DYNC1I1: variants seen among roughly 807,000 people sequenced by gnomAD.
The protein encoded by DYNC1I1 is cytoplasmic dynein 1 intermediate chain 1.
In DYNC1I1, 43 loss-of-function variants were observed where a neutral mutation model predicts 86.6. The ratio of observed to expected loss-of-function variants is 0.50; its 90% CI spans 0.39 to 0.64. The LOEUF (loss-of-function observed/expected upper bound fraction) is 0.64, where lower values mean the gene tolerates loss of function less well. Among genes scored for constraint, DYNC1I1 ranks in the 30% least tolerant of loss-of-function variants. DYNC1I1 has a pLI of 0.00. For synonymous variants in DYNC1I1, 262 were observed against 283.7 expected (o/e 0.92, Z 0.77); for missense variants, 604 against 788.8 (o/e 0.77, Z 2.81).
intron 6 of DYNC1I1, among the ~76,000 whole-genome samples, chr7:95,883,257 G>GT (rs1790502723): frequency 6.6e-6 from 1 of 152,184 alleles, no homozygotes; most frequent in South Asian, 2.1e-4. Context: ...GTGTCCCTGT[G>GT]TGAGAAATTG....
chr7:96,039,440 A>G lies in DYNC1I1; in HGVS notation c.1509+19A>G. The G allele has an allele frequency of 6.2e-7, 1 of 1,613,574 alleles. No homozygotes were observed. Among genetic ancestry groups the G allele is most frequent in the African/African-American group, 1.3e-5 (1 of 75,028 alleles). ...CACCAAGGTAAGAATATCTTGACTG[A>G]AATTCTCAGATAATACATAAGGGCA... On this transcript the variant is annotated intron_variant, in intron 14 of 16. Coordinates refer to ENST00000447467, the MANE Select transcript of DYNC1I1 (RefSeq NM_001135556.2).
At chr7:95,798,751 G>C (rs1344832610) in intron 1 of DYNC1I1, among the ~76,000 whole-genome samples, 1 of 152,140 alleles carries the variant, frequency 6.6e-6, no homozygotes, top group Non-Finnish European at 1.5e-5. Flanking sequence ...GCTAAGCTTT[G>C]GGAGGTGCTG....
At chr7:95,822,157 T>C (rs930511261) in intron 4 of DYNC1I1, among the ~76,000 whole-genome samples, 2 of 152,170 alleles carry the variant, frequency 1.3e-5, no homozygotes, top group Non-Finnish European at 2.9e-5. Flanking sequence ...TTTCAACAGA[T>C]GGCCAAGGAT....
Position 95,804,766 on chromosome 7 carries a change from C to T in DYNC1I1, c.37C>T (p.Arg13Cys), listed in dbSNP as rs1237310197. ...AAGTGACTTAAAAGCTGAGCTAGAGCGCAAAAAGCAGCGCTTAGCACAGAT... is the reference window on the plus strand; with the variant it reads ...AAGTGACTTAAAAGCTGAGCTAGAGTGCAAAAAGCAGCGCTTAGCACAGAT... ...DKSDLKAELERKKQRLAQIRE... is the reference protein window; with the variant it reads ...DKSDLKAELECKKQRLAQIRE... Residue 13 changes from arginine to cysteine, a missense_variant, in exon 2 of 17, where the codon CGC (arginine) becomes TGC (cysteine). Coordinates refer to ENST00000447467, the MANE Select transcript of DYNC1I1 (RefSeq NM_001135556.2). 2.5e-6 allele frequency: 4 copies of T among 1,599,990 alleles called. No individual in the cohort carries two copies. The highest frequency in any genetic ancestry group is 1.7e-6 in the Non-Finnish European group (2 of 1,172,502).
intron 1 of DYNC1I1, among the ~76,000 whole-genome samples, chr7:95,774,836 C>A (rs780887976): frequency 7.9e-5 from 12 of 152,184 alleles, no homozygotes; most frequent in African/African-American, 2.9e-4. Context: ...CTAGGTACCC[C>A]TCTTAGTACA....
intron 14 of DYNC1I1, among the ~76,000 whole-genome samples, chr7:96,068,913 T>C (rs1358286233): frequency 6.6e-6 from 1 of 152,220 alleles, no homozygotes; most frequent in African/African-American, 2.4e-5. Context: ...ACTTAACTTA[T>C]CCACTAGTAA....
chr7:96,063,050 C>A (rs905909188), intron 14 of DYNC1I1, among the ~76,000 whole-genome samples: 4 of 151,474 alleles, frequency 2.6e-5, no homozygotes, highest in African/African-American at 9.7e-5. Context: ...TGAAAAGAGG[C>A]TCTGCTGTCT....
chr7:95,967,416 T>C (rs1793044273), intron 6 of DYNC1I1, among the ~76,000 whole-genome samples: 1 of 152,142 alleles, frequency 6.6e-6, no homozygotes, highest in African/African-American at 2.4e-5. Context: ...CAGAAAGTAT[T>C]GGAGGCCTTG....
At chr7:95,906,191 G>T (rs1791171641) in intron 6 of DYNC1I1, among the ~76,000 whole-genome samples, 4 of 152,150 alleles carry the variant, frequency 2.6e-5, no homozygotes, top group Admixed American at 2.6e-4. Context: ...TTGTTGTGGT[G>T]TAATGAATAT....
At chr7:95,992,407 C>G in intron 9 of DYNC1I1, among the ~76,000 whole-genome samples, 1 of 152,036 alleles carries the variant, frequency 6.6e-6, no homozygotes, top group Non-Finnish European at 1.5e-5. Flanking sequence ...CTTTTGAAGC[C>G]CAACAGACTT....
chr7:96,022,598 C>T (rs376585070), intron 10 of DYNC1I1, among the ~76,000 whole-genome samples: 35 of 152,180 alleles, frequency 2.3e-4, no homozygotes, highest in African/African-American at 7.0e-4. Flanking sequence ...TATGTTGGCT[C>T]ATACCTGTAA....
At chr7:95,860,516 C>T (rs1789849225) in intron 5 of DYNC1I1, among the ~76,000 whole-genome samples, 2 of 152,172 alleles carry the variant, frequency 1.3e-5, no homozygotes, top group African/African-American at 4.8e-5. Context: ...ATTATTTTAT[C>T]CTTGGCCTAA....
chr7:96,075,859 GC>G (rs1790319695), intron 14 of DYNC1I1, among the ~76,000 whole-genome samples, 197 bp from the exon 15 acceptor site: 1 of 151,908 alleles, frequency 6.6e-6, no homozygotes, highest in Non-Finnish European at 1.5e-5. Context: ...CCCTTGAGAG[GC>G]CCCCTCTCCC....
At chr7:96,070,939 A>G (rs2116222441) in intron 14 of DYNC1I1, among the ~76,000 whole-genome samples, 1 of 152,264 alleles carries the variant, frequency 6.6e-6, no homozygotes, top group Admixed American at 6.5e-5. Context: ...AGGTCTATTC[A>G]TTTTCAGACA....
intron 14 of DYNC1I1, among the ~76,000 whole-genome samples, chr7:96,045,561 C>T (rs930348970): frequency 2.0e-5 from 3 of 152,102 alleles, no homozygotes; most frequent in Admixed American, 6.6e-5. Context: ...GCCTAAGAAG[C>T]GGTAAAATAG....
intron 6 of DYNC1I1, among the ~76,000 whole-genome samples, chr7:95,900,813 T>C (rs1791018387): frequency 6.6e-6 from 1 of 152,182 alleles, no homozygotes; most frequent in African/African-American, 2.4e-5. Flanking sequence ...ACCATGTATG[T>C]TTCATGAGAT....
At position 96,098,141 on chromosome 7, in the gene DYNC1I1, AGAGCAT is replaced by A; in HGVS notation, c.*550_*555del. On this transcript the variant is annotated 3_prime_UTR_variant, in exon 17 of 17. Coordinates refer to ENST00000447467, the MANE Select transcript of DYNC1I1 (RefSeq NM_001135556.2). ...TGAAAGCATTAAAATAAATGATCCT[AGAGCAT>A]GTGCATAATGAGAGGACTGTATTCT... 2.0e-6 allele frequency: 2 copies of A among 986,176 alleles called. No homozygotes were observed. Among genetic ancestry groups the A allele is most frequent in the African/African-American group, 1.7e-5 (1 of 57,368 alleles). The allele number at this position is 986,176 out of a possible 1,614,324, so 61.1% of individuals were successfully genotyped here.
At position 95,987,130 on chromosome 7, in the gene DYNC1I1, T is replaced by C. The variant is rs769728537; in HGVS notation, c.818T>C (p.Val273Ala). The change falls in exon 9 of 17, where the codon GTC (valine) becomes GCC (alanine). Residue 273 changes from valine to alanine, a missense_variant. Coordinates refer to ENST00000447467, the MANE Select transcript of DYNC1I1 (RefSeq NM_001135556.2). ...YDEHWSKHRVVTCMDWSLQYP... is the reference protein window; with the variant it reads ...YDEHWSKHRVATCMDWSLQYP... ...GAACATTGGTCCAAGCATCGAGTGGTCACTTGTATGGACTGGTCCCTCCAG... is the reference window on the plus strand; with the variant it reads ...GAACATTGGTCCAAGCATCGAGTGGCCACTTGTATGGACTGGTCCCTCCAG... 2 of 1,613,978 alleles carry C rather than the reference T, an allele frequency of 1.2e-6. No homozygotes were observed. The highest frequency in any genetic ancestry group is 1.7e-6 in the Non-Finnish European group (2 of 1,179,888).
chr7:95,924,588 T>C (rs113373457), intron 6 of DYNC1I1, among the ~76,000 whole-genome samples: 2,836 of 152,318 alleles, frequency 0.019, 81 homozygotes, highest in African/African-American at 0.058. Flanking sequence ...ATGGCATTTT[T>C]CTGCTTCTGA....
Sources: allele counts gnomAD v4.1 joint callset (sites outside exome capture counted in the v4.1 genomes callset), GRCh38; gene constraint gnomAD v4.1.1; transcripts MANE v1.5; gene names NCBI Gene and HGNC (gene_info 2026-07-23, HGNC 2026-07-21).